The following PTPRA variants were observed in gnomAD, a reference collection of about 807,000 sequenced individuals.
The protein encoded by PTPRA is protein tyrosine phosphatase receptor type A.
PTPRA carries 25 observed loss-of-function variants against 104.8 expected under a neutral mutation model. That is an observed-to-expected ratio of 0.24 (90% CI 0.17 to 0.33). PTPRA has a LOEUF of 0.33. PTPRA is among the 10% of genes least tolerant of loss of function. The pLI, the probability that PTPRA is intolerant of heterozygous loss-of-function variation, is 1.00. For missense variants in PTPRA, 765 were observed against 1,015.3 expected (o/e 0.75, Z 3.35); for synonymous variants, 323 against 368.9 (o/e 0.88, Z 1.43).
chr20:2,910,479 AC>A (rs1437922351), intron 1 of PTPRA, among the ~76,000 whole-genome samples: 3 of 66,170 alleles, frequency 4.5e-5, no homozygotes, highest in South Asian at 6.3e-4. Flanking sequence ...TTTTATATAT[AC>A]TTTTTTTTTT....
At chr20:2,944,321 C>A (rs901223310) in intron 2 of PTPRA, among the ~76,000 whole-genome samples, 3 of 152,102 alleles carry the variant, frequency 2.0e-5, no homozygotes, top group Non-Finnish European at 4.4e-5. Context: ...GGATTACAGG[C>A]GTGAGCCACC....
Position 2,944,763 on chromosome 20 carries a change from A to T in PTPRA, c.-49-3219A>T, listed in dbSNP as rs187445250. 7.6e-3 allele frequency among the ~76,000 whole-genome samples: 1,152 copies of T among 152,266 alleles called. 4 individuals are homozygous for T. Among genetic ancestry groups the T allele is most frequent in the Non-Finnish European group, 0.012 (832 of 68,022 alleles). The stretch of plus-strand genomic sequence containing the variant: ...GTGTCTTTTTTCCTTTCGAGTGCTT[A>T]AAAAAATTGTTTTTAAATAATTATT... On this transcript the variant is annotated intron_variant, in intron 2 of 23. Coordinates refer to ENST00000399903, the MANE Select transcript of PTPRA (RefSeq NM_001385305.1).
chr20:2,864,390 G>A, the PTPRA span: 1 of 1,614,182 alleles, frequency 6.2e-7, no homozygotes, highest in South Asian at 1.1e-5. This position sits in a 1 kb window ranked among gnomAD's most constrained non-coding sequence, Gnocchi z 5.2. Context: ...TGCACCTGAA[G>A]AACGAGCTGA....
At chr20:2,967,049 C>A (rs964367185) in intron 5 of PTPRA, among the ~76,000 whole-genome samples, 2 of 152,202 alleles carry the variant, frequency 1.3e-5, no homozygotes, top group African/African-American at 4.8e-5. Flanking sequence ...AGTTCTGTGA[C>A]ATGACCATGG....
chr20:3,018,177 C>T (rs559428932), intron 13 of PTPRA, among the ~76,000 whole-genome samples: 1 of 152,312 alleles, frequency 6.6e-6, no homozygotes, highest in East Asian at 1.9e-4. Flanking sequence ...CTTGGGCCAT[C>T]AGCTAAGGAA....
chr20:2,997,455 T>C (rs1287466119), intron 9 of PTPRA, among the ~76,000 whole-genome samples: 1 of 152,234 alleles, frequency 6.6e-6, no homozygotes, highest in East Asian at 1.9e-4. Context: ...GTTTGAACTG[T>C]GTCAGGAGTC....
At position 2,909,867 on chromosome 20, in the gene PTPRA, T is replaced by C. The variant is rs1208670294; in HGVS notation, c.-128-13340T>C. On this transcript the variant is annotated intron_variant, in intron 1 of 23. Transcript: ENST00000399903. ...ATATAAGATAATATATATTATATAA[T>C]ATAATTAAAATATATTAATTATAAT... Among the ~76,000 whole-genome samples the C allele has an allele frequency of 4.5e-5, 6 of 134,096 alleles. 1 individual carries two copies. Among genetic ancestry groups the C allele is most frequent in the Non-Finnish European group, 9.2e-5 (6 of 65,232 alleles). The allele number at this position is 134,096 out of a possible 152,430, so 88.0% of individuals were successfully genotyped here.
chr20:3,029,128 T>G (rs2065290828), intron 20 of PTPRA, among the ~76,000 whole-genome samples: 2 of 127,612 alleles, frequency 1.6e-5, no homozygotes, highest in Non-Finnish European at 3.2e-5. Flanking sequence ...TTTTTTTTTT[T>G]TTTTGGTTTT....
intron 1 of PTPRA, among the ~76,000 whole-genome samples, chr20:2,894,606 CA>C (rs2058922074): frequency 7.5e-6 from 1 of 132,466 alleles, no homozygotes; most frequent in Non-Finnish European, 1.6e-5. Flanking sequence ...CTGTGCTGGC[CA>C]ATTTTTTTTT....
At position 3,005,053 on chromosome 20, in the gene PTPRA, C is replaced by T. The variant is rs760761990; in HGVS notation, c.739-3C>T. The T allele has an allele frequency of 1.3e-6, 2 of 1,597,080 alleles. No individual in the cohort carries two copies. Among genetic ancestry groups the T allele is most frequent in the Non-Finnish European group, 1.7e-6 (2 of 1,164,834 alleles). ...ATTCCTCTAATTTCTCTTAACCTTT[C>T]AGGCTCTCCCTGCATGTCCTATCCA... On this transcript the variant is annotated splice_region_variant and splice_polypyrimidine_tract_variant and intron_variant, in intron 9 of 23. Coordinates refer to ENST00000399903, the MANE Select transcript of PTPRA (RefSeq NM_001385305.1).
chr20:3,015,477 T>G (rs959970174), intron 11 of PTPRA, among the ~76,000 whole-genome samples: 1 of 151,934 alleles, frequency 6.6e-6, no homozygotes, highest in African/African-American at 2.4e-5. Context: ...CCGGCTAATT[T>G]TTGTATTTTA....
chr20:2,868,063 C>A, the PTPRA span, among the ~76,000 whole-genome samples: 3 of 152,172 alleles, frequency 2.0e-5, no homozygotes, highest in Non-Finnish European at 4.4e-5. Flanking sequence ...TGAAAGCTTG[C>A]TAACTCACAC....
At chr20:2,885,062 A>G (rs954015007) in intron 1 of PTPRA, among the ~76,000 whole-genome samples, 1 of 152,132 alleles carries the variant, frequency 6.6e-6, no homozygotes, top group South Asian at 2.1e-4. Flanking sequence ...CGGCCTCCCA[A>G]AGTGCTGGGA....
At chr20:2,904,946 A>T (rs996435723) in intron 1 of PTPRA, among the ~76,000 whole-genome samples, 2 of 152,184 alleles carry the variant, frequency 1.3e-5, no homozygotes, top group Admixed American at 6.5e-5. Context: ...AATTATATAG[A>T]GCAGGGATAC....
intron 9 of PTPRA, among the ~76,000 whole-genome samples, chr20:2,998,834 A>G (rs1280799521): frequency 6.6e-6 from 1 of 152,008 alleles, no homozygotes; most frequent in African/African-American, 2.4e-5. Flanking sequence ...CAGACCAAAT[A>G]CTGTCTTCAG....
At chr20:2,948,941 G>A (rs1454213353) in intron 3 of PTPRA, among the ~76,000 whole-genome samples, 3 of 151,776 alleles carry the variant, frequency 2.0e-5, no homozygotes, top group South Asian at 2.1e-4. Context: ...GACAGAGCGA[G>A]ACTCCGTCTC....
Position 3,022,725 on chromosome 20 carries a change from T to C in PTPRA, c.1365T>C (p.Ile455=). 1.2e-6 allele frequency: 2 copies of C among 1,614,144 alleles called. No individual in the cohort carries two copies. Among genetic ancestry groups the C allele is most frequent in the Non-Finnish European group, 1.7e-6 (2 of 1,180,028 alleles). ...GGCGTACAGGTACCTTTGTCGTCATTGATGCCATGCTGGACATGATGCATA... is the reference window on the plus strand; with the variant it reads ...GGCGTACAGGTACCTTTGTCGTCATCGATGCCATGCTGGACATGATGCATA... The part of the protein sequence containing the change: ...GVGRTGTFVV[I]DAMLDMMHTE... Residue 455 remains isoleucine, a synonymous_variant, in exon 16 of 24, where the codon ATT becomes ATC. Transcript: ENST00000399903. This position sits in a 1 kb window ranked among gnomAD's most constrained non-coding sequence, Gnocchi z 4.6.
At chr20:2,864,514 C>A in the PTPRA span, 1 of 1,614,010 alleles carries the variant, frequency 6.2e-7, no homozygotes. The surrounding 1 kb of genome is among the most constrained non-coding windows in gnomAD (Gnocchi z 5.2). Context: ...CTTGAGTTGG[C>A]CTTGCTGACT....
At chr20:2,898,904 C>G (rs750768665) in intron 1 of PTPRA, among the ~76,000 whole-genome samples, 2 of 152,136 alleles carry the variant, frequency 1.3e-5, no homozygotes, top group Non-Finnish European at 2.9e-5. Flanking sequence ...TTATCTCAGT[C>G]GTGGAATCAA....
Sources: gnomAD v4.1 joint callset for allele counts (sites outside exome capture counted in the v4.1 genomes callset) on GRCh38, gnomAD v4.1.1 for gene constraint, Gnocchi (gnomAD v3.1) non-coding constraint, MANE v1.5 for transcripts, NCBI Gene and HGNC (gene_info 2026-07-23, HGNC 2026-07-21) for gene names.